Variants in SLC7A2 observed in about 807,000 individuals in gnomAD.
The protein encoded by SLC7A2 is solute carrier family 7 member 2, also known as cationic amino acid transporter 2.
SLC7A2 carries 48 observed loss-of-function variants against 58.9 expected under a neutral mutation model. That is an observed-to-expected ratio of 0.82 (90% CI 0.65 to 1.04). The LOEUF (loss-of-function observed/expected upper bound fraction) is 1.04, where lower values mean the gene tolerates loss of function less well. SLC7A2 is among the 50% of genes least tolerant of loss of function. SLC7A2 has a pLI of 0.00. For synonymous variants in SLC7A2, 363 were observed against 314.5 expected (o/e 1.15, Z -1.63); for missense variants, 1,029 against 818.8 (o/e 1.26, Z -3.13).
intron 8 of SLC7A2, among the ~76,000 whole-genome samples, chr8:17,557,911 C>T (rs1482919100): frequency 2.0e-5 from 3 of 152,074 alleles, no homozygotes; most frequent in Non-Finnish European, 4.4e-5. Flanking sequence ...ATGAAAGCAC[C>T]TTCTGTTTGA....
chr8:17,539,355 C>T (rs1801811961), intron 2 of SLC7A2, among the ~76,000 whole-genome samples: 1 of 152,128 alleles, frequency 6.6e-6, no homozygotes, highest in Non-Finnish European at 1.5e-5. Flanking sequence ...AGAAAGATCT[C>T]ACATGTATCA....
intron 2 of SLC7A2, among the ~76,000 whole-genome samples, chr8:17,529,355 A>C (rs192837311): frequency 8.8e-6 from 1 of 113,532 alleles, no homozygotes; most frequent in East Asian, 2.5e-4. Flanking sequence ...ATTGCCAGTC[A>C]TTTATGGCCA....
intron 5 of SLC7A2, 77 bp from the exon 6 acceptor site, chr8:17,550,224 A>T: frequency 7.3e-7 from 1 of 1,372,258 alleles, no homozygotes; most frequent in Non-Finnish European, 1.0e-6. Flanking sequence ...CCTTCCAAGG[A>T]TATAGTCTGA....
chr8:17,529,415 A>G (rs1055073207), intron 2 of SLC7A2, among the ~76,000 whole-genome samples: 1 of 152,130 alleles, frequency 6.6e-6, no homozygotes, highest in African/African-American at 2.4e-5. Flanking sequence ...TTTTCCCTTC[A>G]TTGGGGATGG....
At chr8:17,546,964 G>A (rs768047661) in intron 4 of SLC7A2, among the ~76,000 whole-genome samples, 1 of 152,046 alleles carries the variant, frequency 6.6e-6, no homozygotes, top group South Asian at 2.1e-4. Flanking sequence ...ATGTTTAAGA[G>A]ATTTTTTTCA....
intron 2 of SLC7A2, among the ~76,000 whole-genome samples, chr8:17,524,681 A>G (rs1229077253): frequency 6.6e-6 from 1 of 152,124 alleles, no homozygotes; most frequent in African/African-American, 2.4e-5. Context: ...ATGGTGAGGG[A>G]TAAAAGACTA....
rs181061018 is a variant in SLC7A2, at chr8:17,547,526, G to T, written c.533-1152G>T. ...TTTAAATTGAGCCAAACTTTCCAGA[G>T]AATATTTTGATAATAGGAACCAACA... On this transcript the variant is annotated intron_variant, in intron 4 of 12. Transcript: ENST00000494857. 1.1e-4 allele frequency among the ~76,000 whole-genome samples: 17 copies of T among 152,188 alleles called. No homozygotes were observed. In the East Asian group the frequency reaches 2.3e-3, roughly 21 times the overall value.
chr8:17,495,527 G>A (rs568665010), upstream of SLC7A2, among the ~76,000 whole-genome samples: 3 of 152,280 alleles, frequency 2.0e-5, no homozygotes, highest in Admixed American at 2.0e-4. Context: ...TCATAGTGCT[G>A]TTTAAACTTT....
At chr8:17,522,299 G>A (rs1306923748) in intron 2 of SLC7A2, among the ~76,000 whole-genome samples, 3 of 152,054 alleles carry the variant, frequency 2.0e-5, no homozygotes, top group Non-Finnish European at 2.9e-5. Flanking sequence ...CAGTGTGGGG[G>A]AAACTAGCCC....
At position 17,548,672 on chromosome 8, in the gene SLC7A2, C is replaced by T. The variant is rs746368800; in HGVS notation, c.533-6C>T. The T allele has an allele frequency of 9.4e-6, 15 of 1,589,462 alleles. No homozygotes were observed. In the East Asian group the frequency reaches 3.4e-4, roughly 36 times the overall value. ...AAATAAAAATTGAAATGCCCTTTTT[C>T]CATAGGTCTTTTGTCTTTTGGAGTA... On this transcript the variant is annotated splice_region_variant and splice_polypyrimidine_tract_variant and intron_variant, in intron 4 of 12. Transcript: ENST00000494857.
rs561892192 is a variant in SLC7A2, at chr8:17,508,095, T to A, written c.-23+5793T>A. Among the ~76,000 whole-genome samples the A allele has an allele frequency of 8.3e-3, 1,260 of 150,946 alleles. 4 individuals carry two copies. The highest frequency in any genetic ancestry group is 0.013 in the Non-Finnish European group (881 of 67,748). ...GAGTGCTATTGTGCTCTCTTTTTTT[T>A]TAAAAAAAAAAGCTATTTGAATTTT... On this transcript the variant is annotated intron_variant, in intron 2 of 12. Transcript: ENST00000494857.
At chr8:17,497,072 G>C (rs1799979939), upstream of SLC7A2, 1 of 151,012 alleles carries the variant, frequency 6.6e-6, no homozygotes, top group African/African-American at 2.4e-5. Context: ...ACAGAGGGGC[G>C]CCCACGTGCC....
intron 2 of SLC7A2, among the ~76,000 whole-genome samples, chr8:17,537,618 A>C (rs1801728901): frequency 6.6e-6 from 1 of 152,140 alleles, no homozygotes. Context: ...ATCCCAGGTA[A>C]GGTAAAAAAT....
chr8:17,501,413 A>G (rs560214778), intron 1 of SLC7A2, among the ~76,000 whole-genome samples: 5 of 152,150 alleles, frequency 3.3e-5, no homozygotes, highest in Admixed American at 3.3e-4. Flanking sequence ...TTGAGAGAAG[A>G]TTTGAGTTAA....
At chr8:17,562,255 C>A in intron 11 of SLC7A2, 145 bp downstream of exon 11, 1 of 789,284 alleles carries the variant, frequency 1.3e-6, no homozygotes, top group Non-Finnish European at 1.8e-6. Flanking sequence ...GGCTGGAGTG[C>A]AATGGAGCGA....
intron 1 of SLC7A2, among the ~76,000 whole-genome samples, chr8:17,499,654 A>C (rs886910469): frequency 4.6e-5 from 7 of 151,722 alleles, no homozygotes; most frequent in African/African-American, 1.7e-4. Context: ...AAATACTCAC[A>C]TATTTAGTTT....
intron 2 of SLC7A2, among the ~76,000 whole-genome samples, chr8:17,507,327 T>C (rs1441784460): frequency 6.6e-6 from 1 of 152,116 alleles, no homozygotes; most frequent in Non-Finnish European, 1.5e-5. Context: ...ATTTATTATA[T>C]AATTTTAAAA....
intron 2 of SLC7A2, among the ~76,000 whole-genome samples, chr8:17,520,291 A>G (rs1800962703): frequency 1.3e-5 from 2 of 152,132 alleles, no homozygotes; most frequent in African/African-American, 4.8e-5. Flanking sequence ...ATATTTGTGT[A>G]TGTGGTGTAT....
At chr8:17,561,623 C>T (rs1207940024) in intron 10 of SLC7A2, among the ~76,000 whole-genome samples, 1 of 152,066 alleles carries the variant, frequency 6.6e-6, no homozygotes, top group Non-Finnish European at 1.5e-5. Context: ...AGTATCCAAC[C>T]CCGACAGCAT....
Sources: gnomAD v4.1 joint callset for allele counts (sites outside exome capture counted in the v4.1 genomes callset) on GRCh38, gnomAD v4.1.1 for gene constraint, MANE v1.5 for transcripts, NCBI Gene and HGNC (gene_info 2026-07-23, HGNC 2026-07-21) for gene names.